Variants in COL4A6 observed in about 807,000 individuals in gnomAD.
COL4A6 encodes collagen alpha-6(IV) chain.
In COL4A6, 59 loss-of-function variants were observed where a neutral mutation model predicts 126.7. That is an observed-to-expected ratio of 0.47 (90% CI 0.38 to 0.58). The LOEUF (loss-of-function observed/expected upper bound fraction) is 0.58. Ranked by LOEUF, COL4A6 falls within the 20% of genes least tolerant of loss-of-function variation. COL4A6 has a pLI of 0.00. For missense variants in COL4A6, 1,285 were observed against 1,337.3 expected (o/e 0.96, Z 0.61); for synonymous variants, 547 against 496.6 (o/e 1.10, Z -1.35).
intron 2 of COL4A6, among the ~76,000 whole-genome samples, chrX:108,366,273 T>G (rs4829435): frequency 0.37 from 41,029 of 110,438 alleles, 6,741 homozygotes; most frequent in East Asian, 0.72. Flanking sequence ...CAGAAGTGAA[T>G]TTACTTTTCT....
chrX:108,239,889 A>G (rs1489600898), intron 3 of COL4A6, among the ~76,000 whole-genome samples: 2 of 112,091 alleles, frequency 1.8e-5, no homozygotes, highest in African/African-American at 6.5e-5. Flanking sequence ...TCTTCTATCT[A>G]CATTTTAGAA....
At chrX:108,248,464 C>G (rs770898535) in intron 3 of COL4A6, among the ~76,000 whole-genome samples, 6 of 109,245 alleles carry the variant, frequency 5.5e-5, no homozygotes, top group Non-Finnish European at 1.1e-4. Context: ...AGACTGCCCT[C>G]TCCCTTCTTC....
chrX:108,234,645 G>C (rs374787595), intron 3 of COL4A6, among the ~76,000 whole-genome samples: 1 of 112,128 alleles, frequency 8.9e-6, no homozygotes, highest in Non-Finnish European at 1.9e-5. Context: ...AGTTAGAAAA[G>C]AGAAGTTATG....
chrX:108,158,069 C>T (rs986948722), intron 44 of COL4A6, among the ~76,000 whole-genome samples: 2 of 112,692 alleles, frequency 1.8e-5, no homozygotes, highest in African/African-American at 3.2e-5. Flanking sequence ...TTCAGGTGAC[C>T]TTTCCTGACA....
At chrX:108,161,488 ATC>A (rs1291799103) in intron 42 of COL4A6, 129 bp downstream of exon 42, 5 of 450,829 alleles carry the variant, frequency 1.1e-5, no homozygotes, top group Non-Finnish European at 2.0e-5. Context: ...GTTTTTGAGC[ATC>A]TTAGGAGTGT....
rs764694800 is a variant in COL4A6 at position 108,320,078 on chromosome X, A to G, written c.64-9250T>C. On this transcript the variant is annotated intron_variant, in intron 2 of 44. Transcript: ENST00000334504. ...GATGTGGTAATGGAAGCATGCAGAC[A>G]TTCTCTTCAACATACTTATTTTTTC... Among the ~76,000 whole-genome samples the G allele has an allele frequency of 4.5e-5, 5 of 112,105 alleles. No individual in the cohort carries two copies. The East Asian group carries it at 1.4e-3, about 32-fold the overall frequency.
chrX:108,394,179 A>G (rs936991816), intron 2 of COL4A6, among the ~76,000 whole-genome samples: 4 of 111,721 alleles, frequency 3.6e-5, no homozygotes, highest in Admixed American at 2.9e-4. Context: ...ACAAGAACAG[A>G]AAACCAAAGA....
chrX:108,281,939 C>A (rs1162072272), intron 3 of COL4A6, among the ~76,000 whole-genome samples: 1 of 109,632 alleles, frequency 9.1e-6, no homozygotes, highest in Non-Finnish European at 1.9e-5. Context: ...AACTGGCTAG[C>A]CATATGTAGA....
intron 3 of COL4A6, among the ~76,000 whole-genome samples, chrX:108,266,452 C>T (rs774032746): frequency 1.8e-5 from 2 of 111,292 alleles, no homozygotes; most frequent in South Asian, 7.6e-4. Flanking sequence ...AAAGGTATTG[C>T]GGCTATTTTC....
At chrX:108,177,088 T>C (rs1020959207) in intron 27 of COL4A6, 77 bp from the exon 28 acceptor site, 5 of 956,908 alleles carry the variant, frequency 5.2e-6, no homozygotes, top group African/African-American at 3.9e-5. Context: ...GCCTATATCA[T>C]AGCTTCTGAT....
chrX:108,431,622 G>A (rs1197616079), intron 2 of COL4A6, among the ~76,000 whole-genome samples: 3 of 111,346 alleles, frequency 2.7e-5, no homozygotes, highest in Middle Eastern at 4.6e-3. Flanking sequence ...GTGGACTTGC[G>A]GACTTAATTT....
At chrX:108,303,002 AC>A (rs201270245) in intron 3 of COL4A6, among the ~76,000 whole-genome samples, 6 of 60,657 alleles carry the variant, frequency 9.9e-5, no homozygotes, top group East Asian at 4.6e-4. Context: ...TCCCCCCTCC[AC>A]CCCCCCAATT....
At chrX:108,297,345 T>C (rs1256106109) in intron 3 of COL4A6, among the ~76,000 whole-genome samples, 2 of 111,523 alleles carry the variant, frequency 1.8e-5, no homozygotes, top group South Asian at 3.8e-4. Flanking sequence ...GTTCAGAAAA[T>C]AGCTAAACCA....
chrX:108,279,678 A>C (rs1247022255), intron 3 of COL4A6, among the ~76,000 whole-genome samples: 2 of 111,846 alleles, frequency 1.8e-5, no homozygotes, highest in Non-Finnish European at 3.8e-5. Context: ...ACCCCAAATC[A>C]ACAGAAAATA....
intron 16 of COL4A6, among the ~76,000 whole-genome samples, chrX:108,193,930 G>C (rs987765896): frequency 8.9e-6 from 1 of 112,718 alleles, no homozygotes; most frequent in Non-Finnish European, 1.9e-5. Context: ...AAGGACAAGG[G>C]ATCCCAATTT....
intron 13 of COL4A6, 44 bp from the exon 14 acceptor site, chrX:108,196,623 G>T (rs369754787): frequency 1.6e-5 from 17 of 1,065,912 alleles, no homozygotes; most frequent in East Asian, 6.6e-5. Context: ...TTGTTTTCTT[G>T]TCGGTCTCCT....
intron 2 of COL4A6, among the ~76,000 whole-genome samples, chrX:108,311,584 C>T (rs2038761142): frequency 9.0e-6 from 1 of 111,447 alleles, no homozygotes; most frequent in African/African-American, 3.3e-5. Context: ...CCTGTTCCTG[C>T]CTCAGGGCCT....
At chrX:108,431,147 T>C (rs969182672) in intron 2 of COL4A6, among the ~76,000 whole-genome samples, 7 of 112,139 alleles carry the variant, frequency 6.2e-5, no homozygotes, top group African/African-American at 1.3e-4. Context: ...GCAAAGTTCA[T>C]GGCTAACTTG....
intron 3 of COL4A6, among the ~76,000 whole-genome samples, chrX:108,228,005 T>C (rs190715156): frequency 8.9e-6 from 1 of 112,427 alleles, no homozygotes; most frequent in Admixed American, 9.4e-5. Flanking sequence ...GACTCAGGAA[T>C]TGATCCAGTT....
Sources: gnomAD v4.1 joint callset for allele counts (sites outside exome capture counted in the v4.1 genomes callset) on GRCh38, gnomAD v4.1.1 for gene constraint, MANE v1.5 for transcripts, NCBI Gene and HGNC (gene_info 2026-07-23, HGNC 2026-07-21) for gene names.